KCNAB1: variants seen among roughly 807,000 people sequenced by gnomAD.
KCNAB1 encodes the protein potassium voltage-gated channel subfamily A regulatory beta subunit 1.
In KCNAB1, 35 loss-of-function variants were observed where a neutral mutation model predicts 64.6. That is an observed-to-expected ratio of 0.54 (90% CI 0.41 to 0.72). KCNAB1 has a LOEUF of 0.72. KCNAB1 is among the 30% of genes least tolerant of loss of function. KCNAB1 has a pLI of 0.00. For missense variants in KCNAB1, 401 were observed against 512.9 expected (o/e 0.78, Z 2.11); for synonymous variants, 177 against 183.8 (o/e 0.96, Z 0.30).
intron 1 of KCNAB1, among the ~76,000 whole-genome samples, chr3:156,421,002 A>G (rs981991253): frequency 1.2e-4 from 18 of 147,394 alleles, no homozygotes; most frequent in Non-Finnish European, 2.4e-4. Context: ...GTATTATATT[A>G]TAATATATTA....
rs113202874 is a variant in KCNAB1 at position 156,436,778 on chromosome 3, T to C, written c.319+15119T>C. Among the ~76,000 whole-genome samples, 1,227 of 152,350 alleles carry C rather than the reference T, an allele frequency of 8.1e-3. 22 individuals are homozygous for C. Among genetic ancestry groups the C allele is most frequent in the African/African-American group, 0.028 (1,181 of 41,566 alleles). On this transcript the variant is annotated intron_variant, in intron 2 of 13. Transcript: ENST00000490337. ...TAATGGGGTTGTTTATTGTTTCTTC[T>C]TGTAAATTTGTTTAAATTGCTTGTA...
At chr3:156,424,932 T>C (rs1715712835) in intron 2 of KCNAB1, among the ~76,000 whole-genome samples, 1 of 152,214 alleles carries the variant, frequency 6.6e-6, no homozygotes, top group Non-Finnish European at 1.5e-5. Context: ...AGGAAGTTCA[T>C]AGGGCTGACT....
chr3:156,384,501 T>C (rs1010210617), intron 1 of KCNAB1, among the ~76,000 whole-genome samples: 1 of 152,126 alleles, frequency 6.6e-6, no homozygotes, highest in African/African-American at 2.4e-5. Flanking sequence ...TGGAGAAATG[T>C]ACCAAAGGAA....
intron 1 of KCNAB1, among the ~76,000 whole-genome samples, chr3:156,173,624 T>G (rs1712154490): frequency 6.6e-6 from 1 of 152,208 alleles, no homozygotes. Context: ...TGACAGCATT[T>G]ATTCTAAGTT....
At chr3:156,270,448 A>G (rs532825571) in intron 1 of KCNAB1, among the ~76,000 whole-genome samples, 7 of 150,076 alleles carry the variant, frequency 4.7e-5, no homozygotes, top group African/African-American at 1.5e-4. Context: ...TTTTTTGTGT[A>G]TCTGTTGTAT....
At chr3:156,131,758 T>G (rs1055795114) in intron 1 of KCNAB1, among the ~76,000 whole-genome samples, 7 of 152,062 alleles carry the variant, frequency 4.6e-5, no homozygotes, top group Admixed American at 4.6e-4. Context: ...AAAGAGAAAG[T>G]TTGTTTCTTA....
At chr3:156,171,187 G>GCGCACACACACA (rs1553812697) in intron 1 of KCNAB1, among the ~76,000 whole-genome samples, 9 of 142,738 alleles carry the variant, frequency 6.3e-5, no homozygotes, top group African/African-American at 2.2e-4. Flanking sequence ...GAAACTTCAC[G>GCGCACACACACA]CACACATACA....
Position 156,522,132 on chromosome 3 carries a change from A to G in KCNAB1, c.961-1695A>G, listed in dbSNP as rs1356175122. Among the ~76,000 whole-genome samples, 2 of 119,452 alleles carry G rather than the reference A, an allele frequency of 1.7e-5. 1 individual carries two copies. Among genetic ancestry groups the G allele is most frequent in the African/African-American group, 5.8e-5 (2 of 34,198 alleles). 78.4% of individuals were successfully genotyped at this position (119,452 alleles called of 152,430 possible). ...GTTACAAAAGATTGATTGATAAACC[A>G]ACCACTCTTTACATGCATGGTATAT... On this transcript the variant is annotated intron_variant, in intron 11 of 13. Transcript: ENST00000490337.
intron 1 of KCNAB1, among the ~76,000 whole-genome samples, chr3:156,251,686 G>A (rs1257833439): frequency 5.3e-5 from 8 of 152,032 alleles, no homozygotes; most frequent in African/African-American, 1.7e-4. Context: ...TCATTCATTC[G>A]GTAGCTTTAT....
chr3:156,436,429 C>T (rs781706448), intron 2 of KCNAB1, among the ~76,000 whole-genome samples: 2 of 152,144 alleles, frequency 1.3e-5, no homozygotes, highest in Non-Finnish European at 2.9e-5. Context: ...TGGGTGTATA[C>T]CCAGTAATGG....
At chr3:156,427,613 G>A (rs2108236153) in intron 2 of KCNAB1, among the ~76,000 whole-genome samples, 1 of 152,330 alleles carries the variant, frequency 6.6e-6, no homozygotes, top group South Asian at 2.1e-4. Context: ...TGCAGCTGAA[G>A]TCAGAAATCA....
intron 1 of KCNAB1, among the ~76,000 whole-genome samples, chr3:156,208,899 G>A (rs1384480999): frequency 6.6e-6 from 1 of 152,090 alleles, no homozygotes; most frequent in Non-Finnish European, 1.5e-5. Flanking sequence ...CTCAGTTATG[G>A]GATAGTTATT....
chr3:156,310,218 GA>G (rs1050028250), intron 1 of KCNAB1, among the ~76,000 whole-genome samples: 4 of 152,144 alleles, frequency 2.6e-5, no homozygotes, highest in African/African-American at 4.8e-5. Flanking sequence ...GACTCCAAGA[GA>G]ATCACTTATA....
chr3:156,170,507 A>G (rs1399725753), intron 1 of KCNAB1, among the ~76,000 whole-genome samples: 1 of 152,156 alleles, frequency 6.6e-6, no homozygotes, highest in Non-Finnish European at 1.5e-5. Context: ...AAGGGCAAAT[A>G]TGGGTTTTGG....
chr3:156,284,117 G>A (rs1321945462), intron 1 of KCNAB1, among the ~76,000 whole-genome samples: 1 of 151,996 alleles, frequency 6.6e-6, no homozygotes, highest in Non-Finnish European at 1.5e-5. Context: ...TTTGGTCTTT[G>A]ATGATGGTGA....
chr3:156,453,103 T>C (rs1712126077), intron 3 of KCNAB1, 167 bp downstream of exon 3: 1 of 497,774 alleles, frequency 2.0e-6, no homozygotes, highest in East Asian at 3.1e-5. Flanking sequence ...TTTCCTGTTG[T>C]ATTTTTTACA....
At chr3:156,413,243 G>T (rs1007300586) in intron 1 of KCNAB1, among the ~76,000 whole-genome samples, 1 of 152,184 alleles carries the variant, frequency 6.6e-6, no homozygotes, top group African/African-American at 2.4e-5. Flanking sequence ...AAAATTAAAA[G>T]AAGTCCTAAC....
chr3:156,210,775 C>A (rs1560138207), intron 1 of KCNAB1, among the ~76,000 whole-genome samples: 1 of 152,210 alleles, frequency 6.6e-6, no homozygotes, highest in Admixed American at 6.5e-5. Context: ...CTGTACCTGG[C>A]AGGCACCTGC....
At chr3:156,145,483 T>G (rs1406074298) in intron 1 of KCNAB1, among the ~76,000 whole-genome samples, 1 of 152,186 alleles carries the variant, frequency 6.6e-6, no homozygotes, top group Non-Finnish European at 1.5e-5. Context: ...AACTTAGCTT[T>G]AGACCTTGAT....
Sources: allele counts gnomAD v4.1 joint callset (sites outside exome capture counted in the v4.1 genomes callset), GRCh38; gene constraint gnomAD v4.1.1; transcripts MANE v1.5; gene names NCBI Gene and HGNC (gene_info 2026-07-23, HGNC 2026-07-21).